The following LRMDA variants were observed in gnomAD, a reference collection of about 807,000 sequenced individuals.
LRMDA encodes the protein leucine rich melanocyte differentiation associated.
A neutral mutation model predicts 29.8 loss-of-function variants in LRMDA; 18 were observed. That is an observed-to-expected ratio of 0.60 (90% CI 0.42 to 0.90). LRMDA has a LOEUF of 0.90. Among genes scored for constraint, LRMDA ranks in the 40% least tolerant of loss-of-function variants. LRMDA has a pLI of 0.00. For synonymous variants in LRMDA, 125 were observed against 109.4 expected, an observed-to-expected ratio of 1.14 and a Z score of -0.89; for missense variants, 273 against 273.9, an observed-to-expected ratio of 1.00 and a Z score of 0.02.
intron 5 of LRMDA, among the ~76,000 whole-genome samples, chr10:76,173,249 A>G (rs1171175497): frequency 1.3e-5 from 2 of 152,208 alleles, no homozygotes; most frequent in African/African-American, 4.8e-5. Context: ...AAGAAAATGA[A>G]CAAAGAAACT....
chr10:75,593,928 G>T (rs578129025), intron 2 of LRMDA, among the ~76,000 whole-genome samples: 1 of 152,228 alleles, frequency 6.6e-6, no homozygotes. Context: ...TGCTGCTGCC[G>T]CGGGATGATC....
chr10:75,830,765 C>G (rs1419960986), intron 2 of LRMDA, among the ~76,000 whole-genome samples: 1 of 152,168 alleles, frequency 6.6e-6, no homozygotes, highest in Non-Finnish European at 1.5e-5. Flanking sequence ...TCCCAAATCT[C>G]ATATCTTCAC....
intron 2 of LRMDA, among the ~76,000 whole-genome samples, chr10:75,699,318 G>A (rs1385831642): frequency 1.3e-5 from 2 of 152,098 alleles, no homozygotes; most frequent in African/African-American, 2.4e-5. Context: ...GCCTTCTGAC[G>A]GAAAATCCTG....
At chr10:76,414,986 G>A (rs950162578) in intron 6 of LRMDA, among the ~76,000 whole-genome samples, 7 of 152,256 alleles carry the variant, frequency 4.6e-5, no homozygotes, top group Non-Finnish European at 1.0e-4. Context: ...TTCTTTGGCT[G>A]AGGGTCTGAA....
chr10:76,253,599 A>G (rs371498294), intron 5 of LRMDA, among the ~76,000 whole-genome samples: 1 of 152,022 alleles, frequency 6.6e-6, no homozygotes, highest in African/African-American at 2.4e-5. Context: ...AAAAGTTGCT[A>G]CTATCTTTTC....
At chr10:75,667,191 G>A (rs769689145) in intron 2 of LRMDA, among the ~76,000 whole-genome samples, 6 of 148,434 alleles carry the variant, frequency 4.0e-5, no homozygotes, top group South Asian at 4.3e-4. Flanking sequence ...TATATTTGGC[G>A]GTATTTGTCC....
chr10:76,011,273 A>G (rs531733000), intron 2 of LRMDA, among the ~76,000 whole-genome samples: 3 of 152,362 alleles, frequency 2.0e-5, no homozygotes, highest in Non-Finnish European at 4.4e-5. Flanking sequence ...TTATCACAAA[A>G]GACCCCAACA....
intron 5 of LRMDA, among the ~76,000 whole-genome samples, chr10:76,185,642 G>A (rs1005917504): frequency 5.3e-5 from 8 of 152,186 alleles, no homozygotes; most frequent in African/African-American, 1.4e-4. Context: ...ATATGTGAAA[G>A]CGTTGGTGTC....
chr10:76,381,149 T>TTACCTGGTA (rs1228626300), intron 6 of LRMDA, among the ~76,000 whole-genome samples: 3 of 151,606 alleles, frequency 2.0e-5, no homozygotes, highest in African/African-American at 7.3e-5. Flanking sequence ...TAATTGCCTC[T>TTACCTGGTA]TACCTGGTAT....
chr10:76,402,382 T>C, intron 6 of LRMDA: 1 of 152,298 alleles, frequency 6.6e-6, no homozygotes, highest in Non-Finnish European at 1.5e-5. Flanking sequence ...AATTAGGTTC[T>C]TGCTGTGTCA....
At chr10:75,639,899 C>T (rs1841431527) in intron 2 of LRMDA, among the ~76,000 whole-genome samples, 1 of 152,198 alleles carries the variant, frequency 6.6e-6, no homozygotes, top group Non-Finnish European at 1.5e-5. Context: ...GAGCACGGCA[C>T]TGCATCATTC....
intron 6 of LRMDA, among the ~76,000 whole-genome samples, chr10:76,395,837 A>C (rs1589164974): frequency 6.6e-6 from 1 of 152,268 alleles, no homozygotes; most frequent in East Asian, 1.9e-4. Context: ...TTTCTAAAAC[A>C]GTGTGAAAAC....
At chr10:75,898,364 G>A (rs1387906181) in intron 2 of LRMDA, among the ~76,000 whole-genome samples, 2 of 152,224 alleles carry the variant, frequency 1.3e-5, no homozygotes, top group East Asian at 3.8e-4. Flanking sequence ...GTTCTAGAAA[G>A]AGGACACAAG....
chr10:76,301,082 G>A (rs1264676702), intron 5 of LRMDA, among the ~76,000 whole-genome samples: 1 of 152,076 alleles, frequency 6.6e-6, no homozygotes, highest in Non-Finnish European at 1.5e-5. Context: ...TGGTTAAGAT[G>A]TTCAGGAGAG....
At chr10:75,821,552 G>A (rs1283882663) in intron 2 of LRMDA, among the ~76,000 whole-genome samples, 1 of 152,112 alleles carries the variant, frequency 6.6e-6, no homozygotes, top group African/African-American at 2.4e-5. Flanking sequence ...GGTGGATCAC[G>A]AGGTCAGGAG....
At chr10:76,223,097 C>T (rs1851878213) in intron 5 of LRMDA, among the ~76,000 whole-genome samples, 1 of 151,092 alleles carries the variant, frequency 6.6e-6, no homozygotes, top group African/African-American at 2.4e-5. Flanking sequence ...AGGGGAACAT[C>T]ACACTGTGGG....
intron 2 of LRMDA, among the ~76,000 whole-genome samples, chr10:75,774,267 T>C (rs1432831743): frequency 6.6e-6 from 1 of 152,232 alleles, no homozygotes; most frequent in Non-Finnish European, 1.5e-5. Context: ...AGTTCTTACA[T>C]CCTTTTTGTT....
intron 2 of LRMDA, among the ~76,000 whole-genome samples, chr10:75,711,751 A>G (rs185585807): frequency 1.3e-5 from 2 of 152,288 alleles, no homozygotes; most frequent in East Asian, 3.9e-4. Flanking sequence ...GCACATACTC[A>G]GGCAGAACAC....
chr10:75,751,333 G>A (rs936217666), intron 2 of LRMDA, among the ~76,000 whole-genome samples: 2 of 151,680 alleles, frequency 1.3e-5, no homozygotes, highest in African/African-American at 2.4e-5. Context: ...GAGGGAGACC[G>A]GGGAGAGGGA....
Sources: allele counts gnomAD v4.1 joint callset (sites outside exome capture counted in the v4.1 genomes callset), GRCh38; gene constraint gnomAD v4.1.1; transcripts MANE v1.5; gene names NCBI Gene and HGNC (gene_info 2026-07-23, HGNC 2026-07-21).